The following SETD1B variants were observed in gnomAD, a reference collection of about 807,000 sequenced individuals.
The protein encoded by SETD1B is SET domain containing 1B, histone lysine methyltransferase.
A neutral mutation model predicts 148.0 loss-of-function variants in SETD1B; 7 were observed. That is an observed-to-expected ratio of 0.05 (90% CI 0.03 to 0.09). The LOEUF is 0.09. Ranked by LOEUF, SETD1B falls within the 10% of genes least tolerant of loss-of-function variation. The pLI is 1.00. For missense variants in SETD1B, 2,155 were observed against 2,729.9 expected (o/e 0.79, Z 4.69); for synonymous variants, 1,361 against 1,186.5 (o/e 1.15, Z -3.02).
chr12:121,811,486 C>T lies in SETD1B; in HGVS notation c.1890+651C>T, dbSNP rs553372505. Among the ~76,000 whole-genome samples the T allele has an allele frequency of 5.3e-5, 8 of 152,250 alleles. No individual in the cohort carries two copies. The East Asian group carries it at 1.5e-3, about 29-fold the overall frequency. ...CCAGAAAAAGGCAAAGTTGACCATC[C>T]CCCACCCTCTCCTCAGGTCATGGGG... On this transcript the variant is annotated intron_variant, in intron 6 of 16. Transcript: ENST00000604567.
chr12:121,823,763 A>C lies in SETD1B; in HGVS notation c.5170+14A>C. ...TCTACCATCCCTATATCCTGCTGGC[A>C]TGGGGGGCTCTGCACCTTCTGGGAT... On this transcript the variant is annotated intron_variant, in intron 12 of 16. Transcript: ENST00000604567. 6.5e-7 allele frequency: 1 copy of C among 1,535,414 alleles called. No individual in the cohort carries two copies. The highest frequency in any genetic ancestry group is 8.8e-7 in the Non-Finnish European group (1 of 1,137,466).
In SETD1B at chr12:121,823,537, T is replaced by C. The variant is rs1876690697; in HGVS notation, c.4958T>C (p.Leu1653Pro). The C allele has an allele frequency of 1.9e-6, 3 of 1,551,040 alleles. No homozygotes were observed. The highest frequency in any genetic ancestry group is 2.6e-6 in the Non-Finnish European group (3 of 1,146,924). ...RRPPKKRHED[L>P]VPPAGSPELS... ...CCACCTAAGAAGCGCCATGAGGACCTGGTGCCACCTGCGGGCTCGCCCGAA... is the reference window on the plus strand; with the variant it reads ...CCACCTAAGAAGCGCCATGAGGACCCGGTGCCACCTGCGGGCTCGCCCGAA... Residue 1653 changes from leucine to proline, a missense_variant, in exon 12 of 17, where the codon CTG becomes CCG. Physicochemically the swap from Leu to Pro is moderately conservative, Grantham distance 98 (BLOSUM62 -3). Transcript: ENST00000604567.
the SETD1B span, chr12:121,793,087 GC>G: frequency 7.2e-7 from 1 of 1,379,510 alleles, no homozygotes; most frequent in Admixed American, 2.0e-5. Flanking sequence ...AGTGGGGGAC[GC>G]CCGGGAGGGG....
chr12:121,797,476 G>A, the SETD1B span: 5 of 456,516 alleles, frequency 1.1e-5, no homozygotes, highest in Non-Finnish European at 2.2e-5. Context: ...GATGGTGGGG[G>A]GACAAAGAAA....
At chr12:121,801,512 T>C (rs1262478266), upstream of SETD1B, 4 of 152,644 alleles carry the variant, frequency 2.6e-5, no homozygotes, top group Non-Finnish European at 5.9e-5. Flanking sequence ...CAGCCCTTGC[T>C]TGGCCTGCAA....
At chr12:121,806,820 C>T (rs1875768000) in intron 4 of SETD1B, among the ~76,000 whole-genome samples, 1 of 152,224 alleles carries the variant, frequency 6.6e-6, no homozygotes. Context: ...GGCCATACCT[C>T]CCACCCTGTG....
chr12:121,824,068 C>T (rs1361070546), intron 12 of SETD1B, among the ~76,000 whole-genome samples: 1 of 152,232 alleles, frequency 6.6e-6, no homozygotes, highest in Non-Finnish European at 1.5e-5. Flanking sequence ...GTCCTGTCCC[C>T]TTCATAACCT....
In SETD1B at chr12:121,817,392, G is replaced by C; in HGVS notation, c.3000G>C (p.Arg1000=). 1 of 1,529,996 alleles carries C rather than the reference G, an allele frequency of 6.5e-7. No homozygotes were observed. The highest frequency in any genetic ancestry group is 8.8e-7 in the Non-Finnish European group (1 of 1,133,550). 94.8% of individuals were successfully genotyped at this position (1,529,996 alleles called of 1,614,324 possible). A position where few individuals can be genotyped will look rare whatever the true frequency, so the allele number is the denominator to read the frequency against. The part of the protein sequence containing the change: ...EDEESERERD[R]DMADTPCELA... ...CAGAGTCCGAGCGAGAGCGAGACCG[G>C]GATATGGCAGACACCCCCTGTGAGC... Residue 1000 remains arginine, a synonymous_variant, in exon 9 of 17, where the codon CGG becomes CGC. Coordinates refer to ENST00000604567, the MANE Select transcript of SETD1B (RefSeq NM_001353345.2). The surrounding 1 kb of genome is among the most constrained non-coding windows in gnomAD (Gnocchi z 8.1).
In SETD1B at chr12:121,808,938, C is replaced by T. The variant is rs1592975907; in HGVS notation, c.657+618C>T. On this transcript the variant is annotated intron_variant, in intron 5 of 16. Transcript: ENST00000604567. The surrounding 1 kb of genome is among the most constrained non-coding windows in gnomAD (Gnocchi z 5.3). ...AGGCTGGAGTGCAGTGGTGCGATCTCAGCTCACTGCAAGCTCCACCTCCTG... is the reference window on the plus strand; with the variant it reads ...AGGCTGGAGTGCAGTGGTGCGATCTTAGCTCACTGCAAGCTCCACCTCCTG... Among the ~76,000 whole-genome samples the T allele has an allele frequency of 6.6e-6, 1 of 152,286 alleles. No homozygotes were observed. The highest frequency in any genetic ancestry group is 2.4e-5 in the African/African-American group (1 of 41,544).
the SETD1B span, chr12:121,797,643 TGGGA>T: frequency 4.4e-6 from 2 of 456,024 alleles, no homozygotes; most frequent in Non-Finnish European, 4.4e-6. Flanking sequence ...AGGGTGCAGC[TGGGA>T]GGGAGACGTA....
At chr12:121,793,590 G>C in the SETD1B span, 1 of 1,552,558 alleles carries the variant, frequency 6.4e-7, no homozygotes, top group South Asian at 1.2e-5. Flanking sequence ...CTTCCTGCCC[G>C]GACCGGGGGC....
Position 121,810,396 on chromosome 12 carries a change from C to A in SETD1B, c.1451C>A (p.Thr484Lys), listed in dbSNP as rs760978203. ...CCCTGTGACAGCCCTGGCACGCCCA[C>A]GCTGGAGTCGTCCCCTGCAGGGCCA... ...PEPCDSPGTP[T>K]LESSPAGPEK... is the part of the protein sequence containing the mutation. Residue 484 changes from threonine to lysine, a missense_variant, in exon 6 of 17, where the codon ACG (threonine) becomes AAG (lysine). This residue lies in a region of SETD1B where 376 missense variants were observed against 385.0 expected (regional missense o/e 0.98). Coordinates refer to ENST00000604567, the MANE Select transcript of SETD1B (RefSeq NM_001353345.2). The surrounding 1 kb of genome is among the most constrained non-coding windows in gnomAD (Gnocchi z 7.6). 2 of 1,548,748 alleles carry A rather than the reference C, an allele frequency of 1.3e-6. No individual in the cohort carries two copies. Among genetic ancestry groups the A allele is most frequent in the Non-Finnish European group, 1.7e-6 (2 of 1,146,922 alleles).
rs1193308947 is a variant in SETD1B, at chr12:121,804,656, TC to T, written c.-14-67del. On this transcript the variant is annotated intron_variant, in intron 1 of 16. Transcript: ENST00000604567. This position sits in a 1 kb window ranked among gnomAD's most constrained non-coding sequence, Gnocchi z 4.6. ...GTGGGGGCCTGCCGATTGGATTCTTTCGCGTGTGTGTAGAAGCGGCCGCCGC... is the reference window on the plus strand; with the variant it reads ...GTGGGGGCCTGCCGATTGGATTCTTTGCGTGTGTGTAGAAGCGGCCGCCGC... 52 of 1,391,834 alleles carry T rather than the reference TC, an allele frequency of 3.7e-5. No individual in the cohort carries two copies. The highest frequency in any genetic ancestry group is 4.9e-5 in the Non-Finnish European group (50 of 1,024,966). The allele number at this position is 1,391,834 out of a possible 1,614,324, so 86.2% of individuals were successfully genotyped here.
chr12:121,820,770 T>C (rs1362744930), intron 11 of SETD1B, among the ~76,000 whole-genome samples: 1 of 152,160 alleles, frequency 6.6e-6, no homozygotes, highest in Non-Finnish European at 1.5e-5. Context: ...CCTGACCTCA[T>C]GATCCACCCA....
the SETD1B span, chr12:121,793,712 A>C: frequency 3.1e-6 from 4 of 1,272,522 alleles, no homozygotes; most frequent in Non-Finnish European, 4.1e-6. Context: ...CGGGGCCGGA[A>C]CCAGCCCCGC....
chr12:121,797,421 A>T, the SETD1B span: 1 of 455,442 alleles, frequency 2.2e-6, no homozygotes, highest in Non-Finnish European at 4.4e-6. Context: ...CAGCAGGAAC[A>T]GCAGCAGGAG....
In SETD1B at chr12:121,817,454, G is replaced by A. The variant is rs1876347274; in HGVS notation, c.3062G>A (p.Arg1021Gln). Residue 1021 changes from arginine (R) to glutamine (Q), a missense_variant, in exon 9 of 17, where the codon CGG (arginine) becomes CAG (glutamine). Arg to Gln is a conservative substitution (Grantham distance 43). Transcript: ENST00000604567. This position sits in a 1 kb window ranked among gnomAD's most constrained non-coding sequence, Gnocchi z 8.1. ...GACCCCAAGGGCGTGGGTGTGCGGC[G>A]GCGGCCGGCGCGGCCTCTGGAGCTG... ...KRDPKGVGVR[R>Q]RPARPLELDS... 3 of 1,547,672 alleles carry A rather than the reference G, an allele frequency of 1.9e-6. No individual in the cohort carries two copies. Among genetic ancestry groups the A allele is most frequent in the Non-Finnish European group, 2.6e-6 (3 of 1,144,174 alleles).
At chr12:121,792,235 G>C in the SETD1B span, among the ~76,000 whole-genome samples, 4 of 152,226 alleles carry the variant, frequency 2.6e-5, no homozygotes, top group Non-Finnish European at 4.4e-5. Flanking sequence ...TTGGCTGGCC[G>C]GAGAGGGCCA....
chr12:121,823,517 T>TAAG lies in SETD1B; in HGVS notation c.4942_4944dup (p.Lys1648dup). ...GCCGGGGGCCGTGGCGCCGGCCACC[T>TAAG]AAGAAGCGCCATGAGGACCTGGTGC... On this transcript the variant is annotated inframe_insertion, in exon 12 of 17. Transcript: ENST00000604567. 1 of 1,550,894 alleles carries TAAG rather than the reference T, an allele frequency of 6.4e-7. No individual in the cohort carries two copies. Among genetic ancestry groups the TAAG allele is most frequent in the Non-Finnish European group, 8.7e-7 (1 of 1,146,894 alleles).
Sources: gnomAD v4.1 joint callset for allele counts (sites outside exome capture counted in the v4.1 genomes callset) on GRCh38, gnomAD v4.1.1 for gene constraint, gnomAD v4.1.1 regional missense constraint, Gnocchi (gnomAD v3.1) non-coding constraint, MANE v1.5 for transcripts, NCBI Gene and HGNC (gene_info 2026-07-23, HGNC 2026-07-21) for gene names.